Variants in LAMA2 observed in about 807,000 individuals in gnomAD.
LAMA2 encodes laminin subunit alpha 2.
In LAMA2, 269 loss-of-function variants were observed where a neutral mutation model predicts 364.8. That is an observed-to-expected ratio of 0.74 (90% CI 0.67 to 0.82). The LOEUF is 0.82. LAMA2 is among the 40% of genes least tolerant of loss of function. The pLI, the probability that LAMA2 is intolerant of heterozygous loss-of-function variation, is 0.00. For missense variants in LAMA2, 3,807 were observed against 3,873.2 expected (o/e 0.98, Z 0.45); for synonymous variants, 1,379 against 1,370.6 (o/e 1.01, Z -0.14).
Position 129,315,962 on chromosome 6 carries a change from C to A in LAMA2, c.3924+12C>A. ...TTGAAATGACAGAGGTAAAGTTAGT[C>A]ATTGTTTGGTGCAAAGATACCAATC... On this transcript the variant is annotated intron_variant, in intron 26 of 64. Transcript: ENST00000421865. 1.2e-6 allele frequency: 2 copies of A among 1,613,956 alleles called. No individual in the cohort carries two copies. The highest frequency in any genetic ancestry group is 2.2e-5 in the South Asian group (2 of 91,072).
At chr6:129,372,609 CT>C (rs1778151026) in intron 34 of LAMA2, among the ~76,000 whole-genome samples, 1 of 152,198 alleles carries the variant, frequency 6.6e-6, no homozygotes, top group Non-Finnish European at 1.5e-5. Context: ...CTGTAAACAT[CT>C]TTGTGCAGAC....
At chr6:129,447,004 C>T (rs566835050) in intron 45 of LAMA2, among the ~76,000 whole-genome samples, 33 of 152,222 alleles carry the variant, frequency 2.2e-4, no homozygotes, top group South Asian at 4.1e-4. Flanking sequence ...CAGGCAGTAT[C>T]GTTGACATGT....
intron 34 of LAMA2, among the ~76,000 whole-genome samples, chr6:129,372,525 A>G (rs1297790273): frequency 6.6e-6 from 1 of 152,148 alleles, no homozygotes; most frequent in Non-Finnish European, 1.5e-5. Flanking sequence ...TAGACATATC[A>G]CTGTTTACTT....
Position 129,440,928 on chromosome 6 carries a change from G to A in LAMA2, c.6198G>A (p.Lys2066=). The change falls in exon 43 of 65, where the codon AAG becomes AAA. Residue 2066 remains lysine (K), a synonymous_variant. Transcript: ENST00000421865. The stretch of plus-strand genomic sequence containing the variant: ...TCCACCAGAACCTCGATGGCCTGAA[G>A]AAGAATTACAATAAACTAGCAGACA... The part of the protein sequence containing the change: ...TELHQNLDGL[K]KNYNKLADSV... 6.2e-7 allele frequency: 1 copy of A among 1,613,982 alleles called. No individual in the cohort carries two copies. Among genetic ancestry groups the A allele is most frequent in the Non-Finnish European group, 8.5e-7 (1 of 1,179,890 alleles).
chr6:128,888,305 G>A lies in LAMA2; in HGVS notation c.112+4948G>A, dbSNP rs143912250. ...GTTGGGCCTATATGCATTGGAATGT[G>A]GTAAATGAATGAATGTTTACAGTGA... On this transcript the variant is annotated intron_variant, in intron 1 of 64. Transcript: ENST00000421865. Among the ~76,000 whole-genome samples, 5 of 152,184 alleles carry A rather than the reference G, an allele frequency of 3.3e-5. No individual in the cohort carries two copies. In the East Asian group the frequency reaches 9.7e-4, roughly 29 times the overall value.
intron 4 of LAMA2, among the ~76,000 whole-genome samples, chr6:129,113,956 C>A (rs566465109): frequency 2.0e-5 from 3 of 151,914 alleles, no homozygotes; most frequent in Non-Finnish European, 4.4e-5. Context: ...AACTTCCTTT[C>A]GTTGAAAATA....
intron 15 of LAMA2, among the ~76,000 whole-genome samples, chr6:129,266,221 A>G (rs538702491): frequency 2.6e-5 from 4 of 152,246 alleles, no homozygotes; most frequent in East Asian, 3.9e-4. Context: ...AGAGGGCAGC[A>G]GTATTTGCCT....
chr6:129,380,134 A>G (rs911878241), intron 34 of LAMA2, among the ~76,000 whole-genome samples: 1 of 152,212 alleles, frequency 6.6e-6, no homozygotes, highest in African/African-American at 2.4e-5. Context: ...AAAATCTAAG[A>G]AAAGAGAGCA....
chr6:129,061,345 T>C (rs1322623216), intron 3 of LAMA2, among the ~76,000 whole-genome samples: 2 of 152,184 alleles, frequency 1.3e-5, no homozygotes, highest in African/African-American at 2.4e-5. Context: ...TTCTTTTAGA[T>C]TGCACATAGA....
intron 1 of LAMA2, among the ~76,000 whole-genome samples, chr6:128,913,153 T>TA (rs138786838): frequency 1.8e-3 from 268 of 152,352 alleles, no homozygotes; most frequent in East Asian, 0.013. Context: ...GCTAATGTGT[T>TA]ACTGAAGTGA....
chr6:129,091,565 G>C (rs375687271), intron 3 of LAMA2, among the ~76,000 whole-genome samples: 146 of 152,274 alleles, frequency 9.6e-4, no homozygotes, highest in Non-Finnish European at 1.2e-3. Flanking sequence ...ACACACTTGT[G>C]GGGGTAGGGG....
intron 4 of LAMA2, among the ~76,000 whole-genome samples, chr6:129,122,898 T>C (rs556648635): frequency 6.6e-6 from 1 of 152,234 alleles, no homozygotes; most frequent in East Asian, 1.9e-4. Context: ...TTCTTAACAC[T>C]GATAATTAAA....
rs548498271 is a variant in LAMA2, at chr6:129,509,949, CA to C, written c.8857+2309del. 2.1e-4 allele frequency among the ~76,000 whole-genome samples: 32 copies of C among 152,196 alleles called. No homozygotes were observed. The South Asian group carries it at 6.6e-3, about 32-fold the overall frequency. On this transcript the variant is annotated intron_variant, in intron 62 of 64. Transcript: ENST00000421865. ...GCTCTGGGTAGTATGGACATTTTAA[CA>C]ATATTGATTCTTCCAATCCATTAAC...
At chr6:128,946,020 G>GC (rs1780462157) in intron 1 of LAMA2, among the ~76,000 whole-genome samples, 1 of 152,108 alleles carries the variant, frequency 6.6e-6, no homozygotes, top group Non-Finnish European at 1.5e-5. Context: ...ATGTGAGAAG[G>GC]CCACACAGCA....
At chr6:129,408,907 C>T (rs1271071330) in intron 40 of LAMA2, among the ~76,000 whole-genome samples, 1 of 152,128 alleles carries the variant, frequency 6.6e-6, no homozygotes, top group Non-Finnish European at 1.5e-5. Context: ...GCTGAGGTCA[C>T]CCGTTGGTGA....
chr6:129,332,041 A>G lies in LAMA2; in HGVS notation c.4311+3629A>G, dbSNP rs114088491. On this transcript the variant is annotated intron_variant, in intron 29 of 64. Coordinates refer to ENST00000421865, the MANE Select transcript of LAMA2 (RefSeq NM_000426.4). The stretch of plus-strand genomic sequence containing the variant: ...TACATAGTGGTATTCCTGGGACTCA[A>G]TCCTTGGAGCAATTTGTTTCTCTAA... 3.3e-3 allele frequency among the ~76,000 whole-genome samples: 501 copies of G among 152,214 alleles called. 2 individuals are homozygous for G. The highest frequency in any genetic ancestry group is 0.011 in the African/African-American group (456 of 41,528).
At chr6:129,309,962 C>A (rs949195752) in intron 22 of LAMA2, among the ~76,000 whole-genome samples, 2 of 145,530 alleles carry the variant, frequency 1.4e-5, no homozygotes, top group Non-Finnish European at 3.0e-5. Context: ...TGCAGTGGCG[C>A]GATCTCGGCT....
intron 42 of LAMA2, 102 bp from the exon 43 acceptor site, chr6:129,440,714 G>C: frequency 1.0e-6 from 1 of 1,004,486 alleles, no homozygotes; most frequent in Non-Finnish European, 1.6e-6. Context: ...CTTTGTAAAT[G>C]TGTCCGAGGT....
In LAMA2 at chr6:129,443,103, C is replaced by T. The variant is rs142545032; in HGVS notation, c.6274+35C>T. 2.8e-4 allele frequency: 424 copies of T among 1,540,276 alleles called. 2 individuals carry two copies. In the African/African-American group the frequency reaches 4.6e-3, roughly 17 times the overall value. Reference sequence around the variant, plus strand: ...TGTTTACTTATATACCTTTTAGTAACGCTCATGCTTCATTGCCTATTGCAA... The same window carrying T: ...TGTTTACTTATATACCTTTTAGTAATGCTCATGCTTCATTGCCTATTGCAA... On this transcript the variant is annotated intron_variant, in intron 44 of 64. Coordinates refer to ENST00000421865, the MANE Select transcript of LAMA2 (RefSeq NM_000426.4).
Sources: gnomAD v4.1 joint callset for allele counts (sites outside exome capture counted in the v4.1 genomes callset) on GRCh38, gnomAD v4.1.1 for gene constraint, MANE v1.5 for transcripts, NCBI Gene and HGNC (gene_info 2026-07-23, HGNC 2026-07-21) for gene names.